HERPUD1: variants seen among roughly 807,000 people sequenced by gnomAD.
HERPUD1 encodes the protein homocysteine inducible ER protein with ubiquitin like domain 1.
In HERPUD1, 17 loss-of-function variants were observed where a neutral mutation model predicts 45.0. That is an observed-to-expected ratio of 0.38 (90% CI 0.26 to 0.57). The LOEUF is 0.57. Among genes scored for constraint, HERPUD1 ranks in the 20% least tolerant of loss-of-function variants. HERPUD1 has a pLI of 0.72. For synonymous variants in HERPUD1, 164 were observed against 177.5 expected (o/e 0.92, Z 0.61); for missense variants, 420 against 490.5 (o/e 0.86, Z 1.36).
chr16:56,940,352 C>A lies in HERPUD1; in HGVS notation c.905+107C>A, dbSNP rs2055900525. On this transcript the variant is annotated intron_variant, in intron 6 of 7. Coordinates refer to ENST00000439977, the MANE Select transcript of HERPUD1 (RefSeq NM_014685.4). ...TTTTTGAGATGGAGTCTCGCTCTGT[C>A]ATTCAGGCTGGAGTACAATGGCACA... is the stretch of plus-strand genomic sequence containing the variant. 1.5e-5 allele frequency: 12 copies of A among 784,052 alleles called. No individual in the cohort carries two copies. In the South Asian group the frequency reaches 1.9e-4, roughly 12 times the overall value. 48.6% of individuals were successfully genotyped at this position (784,052 alleles called of 1,614,324 possible).
chr16:56,936,961 G>T (rs2055871617), intron 4 of HERPUD1, 144 bp downstream of exon 4: 1 of 795,538 alleles, frequency 1.3e-6, no homozygotes, highest in Non-Finnish European at 1.9e-6. Context: ...TCGCTTTAAA[G>T]ATCTCTTATA....
At chr16:56,941,671 T>C (rs2055910825) in intron 6 of HERPUD1, 1 of 152,326 alleles carries the variant, frequency 6.6e-6, no homozygotes, top group South Asian at 2.1e-4. Context: ...GTTAATATTT[T>C]ATTATATTTA....
chr16:56,932,586 G>C (rs1447882960), intron 1 of HERPUD1, among the ~76,000 whole-genome samples, 195 bp downstream of exon 1: 2 of 152,250 alleles, frequency 1.3e-5, no homozygotes. Flanking sequence ...CCCAGTAGCC[G>C]TCAGTAATCA....
chr16:56,940,491 G>A (rs2055901602), intron 6 of HERPUD1: 2 of 419,210 alleles, frequency 4.8e-6, no homozygotes, highest in East Asian at 4.3e-5. Flanking sequence ...ATTTCTAGTA[G>A]AGACGGGGTT....
intron 7 of HERPUD1, among the ~76,000 whole-genome samples, chr16:56,942,875 T>G (rs773623750): frequency 2.6e-5 from 4 of 152,100 alleles, no homozygotes. Context: ...CAGATCTAGT[T>G]GTTTCATTTG....
Position 56,940,221 on chromosome 16 carries a change from T to C in HERPUD1, c.881T>C (p.Met294Thr), listed in dbSNP as rs1378354971. ...TCCCTGAGCAGATTCCTCATGGTCA[T>C]GGGGGCCACCGTTGTTATGTACCTG... ...YSSLSRFLMV[M>T]GATVVMYLHH... The change falls in exon 6 of 8, where the codon ATG (methionine) becomes ACG (threonine). Residue 294 changes from methionine to threonine, a missense_variant. Physicochemically the swap from Met to Thr is moderately conservative, Grantham distance 81. Transcript: ENST00000439977. The C allele has an allele frequency of 1.2e-6, 2 of 1,613,152 alleles. No individual in the cohort carries two copies. The highest frequency in any genetic ancestry group is 1.7e-6 in the Non-Finnish European group (2 of 1,179,084).
intron 6 of HERPUD1, 97 bp downstream of exon 6, chr16:56,940,342 C>G: frequency 1.2e-6 from 1 of 835,816 alleles, no homozygotes; most frequent in Non-Finnish European, 1.9e-6. Flanking sequence ...GAGATGGAGT[C>G]TCGCTCTGTC....
rs1377061330 is a variant in HERPUD1 at position 56,943,475 on chromosome 16, A to G, written c.*185A>G. 3.1e-5 allele frequency: 22 copies of G among 709,556 alleles called. No homozygotes were observed. The highest frequency in any genetic ancestry group is 5.5e-5 in the Non-Finnish European group (22 of 399,336). 44.0% of individuals were successfully genotyped at this position (709,556 alleles called of 1,614,324 possible). A position where few individuals can be genotyped will look rare whatever the true frequency, so the allele number is the denominator to read the frequency against. On this transcript the variant is annotated 3_prime_UTR_variant, in exon 8 of 8. Coordinates refer to ENST00000439977, the MANE Select transcript of HERPUD1 (RefSeq NM_014685.4). ...CCGTGATACAAATTGGTGAACAAAA[A>G]ATGCCCAAGGCTTCTCATGTCTTTA... is the stretch of plus-strand genomic sequence containing the variant.
At chr16:56,935,497 G>C in intron 3 of HERPUD1, 22 bp downstream of exon 3, 1 of 1,599,184 alleles carries the variant, frequency 6.3e-7, no homozygotes, top group Non-Finnish European at 8.6e-7. Context: ...TCTTCATGAT[G>C]GTAACAATTT....
At chr16:56,935,570 G>C (rs2055860664) in intron 3 of HERPUD1, 95 bp downstream of exon 3, 1 of 1,009,388 alleles carries the variant, frequency 9.9e-7, no homozygotes, top group Non-Finnish European at 1.6e-6. Flanking sequence ...TTGAGAGACT[G>C]TATGGTGTTA....
chr16:56,937,372 A>G (rs1375625499), intron 4 of HERPUD1: 4 of 152,202 alleles, frequency 2.6e-5, no homozygotes, highest in African/African-American at 9.7e-5. Context: ...TTGGGGAAAA[A>G]TTCATTAACT....
intron 6 of HERPUD1, 173 bp from the exon 7 acceptor site, chr16:56,941,959 C>T (rs1163585979): frequency 1.7e-6 from 1 of 587,320 alleles, no homozygotes; most frequent in South Asian, 2.0e-5. Flanking sequence ...CTTCAAGGAC[C>T]TTACAGACTG....
In HERPUD1 at chr16:56,943,479, C is replaced by T. The variant is rs2055927796; in HGVS notation, c.*189C>T. 1 of 687,444 alleles carries T rather than the reference C, an allele frequency of 1.5e-6. No homozygotes were observed. The highest frequency in any genetic ancestry group is 2.6e-6 in the Non-Finnish European group (1 of 383,712). The allele number at this position is 687,444 out of a possible 1,614,324, so 42.6% of individuals were successfully genotyped here. A position where few individuals can be genotyped will look rare whatever the true frequency, so the allele number is the denominator to read the frequency against. On this transcript the variant is annotated 3_prime_UTR_variant, in exon 8 of 8. Transcript: ENST00000439977. Reference sequence around the variant, plus strand: ...GATACAAATTGGTGAACAAAAAATGCCCAAGGCTTCTCATGTCTTTATTCT... The same window carrying T: ...GATACAAATTGGTGAACAAAAAATGTCCAAGGCTTCTCATGTCTTTATTCT...
At chr16:56,937,701 A>C (rs1167963826) in intron 4 of HERPUD1, among the ~76,000 whole-genome samples, 2 of 150,766 alleles carry the variant, frequency 1.3e-5, no homozygotes, top group Non-Finnish European at 2.9e-5. Context: ...ATAACTATGA[A>C]AACCTTTTAG....
chr16:56,934,410 C>T (rs1280591835), intron 1 of HERPUD1, among the ~76,000 whole-genome samples: 1 of 152,178 alleles, frequency 6.6e-6, no homozygotes, highest in African/African-American at 2.4e-5. Flanking sequence ...AATAGGGATA[C>T]TAAATCTCAC....
At chr16:56,936,547 C>A in intron 3 of HERPUD1, 140 bp from the exon 4 acceptor site, 1 of 546,262 alleles carries the variant, frequency 1.8e-6, no homozygotes, top group Non-Finnish European at 2.9e-6. Flanking sequence ...TTTTACATAA[C>A]GTTGCTTCTG....
chr16:56,934,691 A>C (rs908230902), intron 1 of HERPUD1, among the ~76,000 whole-genome samples: 2 of 128,294 alleles, frequency 1.6e-5, no homozygotes, highest in Non-Finnish European at 3.3e-5. Context: ...GACTGGAGAT[A>C]ATTTGCCATT....
intron 5 of HERPUD1, 135 bp from the exon 6 acceptor site, chr16:56,939,760 A>G: frequency 1.5e-6 from 1 of 665,258 alleles, no homozygotes; most frequent in Non-Finnish European, 2.5e-6. Flanking sequence ...GAAGTTCTTC[A>G]CTAAATTGAA....
intron 3 of HERPUD1, chr16:56,936,466 C>A (rs2055867009): frequency 3.3e-6 from 1 of 307,586 alleles, no homozygotes; most frequent in African/African-American, 2.2e-5. Flanking sequence ...GTGTAGCATA[C>A]TCTAGGGAAA....
Sources: gnomAD v4.1 joint callset for allele counts (sites outside exome capture counted in the v4.1 genomes callset) on GRCh38, gnomAD v4.1.1 for gene constraint, MANE v1.5 for transcripts, NCBI Gene and HGNC (gene_info 2026-07-23, HGNC 2026-07-21) for gene names.